The following UBE2G1 variants were observed in gnomAD, a reference collection of about 807,000 sequenced individuals.
The protein encoded by UBE2G1 is ubiquitin conjugating enzyme E2 G1.
UBE2G1 carries 5 observed loss-of-function variants against 22.7 expected under a neutral mutation model. The ratio of observed to expected loss-of-function variants is 0.22; its 90% CI spans 0.12 to 0.46. UBE2G1 has a LOEUF of 0.46. Among genes scored for constraint, UBE2G1 ranks in the 20% least tolerant of loss-of-function variants. The probability of loss-of-function intolerance (pLI) is 0.99; values close to 1 mark genes in which losing one functional copy is unlikely to be tolerated. For missense variants in UBE2G1, 88 were observed against 203.9 expected, an observed-to-expected ratio of 0.43 and a Z score of 3.46; for synonymous variants, 74 against 67.5, an observed-to-expected ratio of 1.10 and a Z score of -0.47.
chr17:4,357,049 C>CTTTATA (rs1969913549), intron 1 of UBE2G1, among the ~76,000 whole-genome samples: 1 of 152,114 alleles, frequency 6.6e-6, no homozygotes, highest in African/African-American at 2.4e-5. Flanking sequence ...AATCCATATA[C>CTTTATA]TTTATAGTCC....
In UBE2G1 at chr17:4,320,809, T is replaced by TG. The variant is rs574564827; in HGVS notation, c.47-13687dup. 1.1e-4 allele frequency among the ~76,000 whole-genome samples: 17 copies of TG among 152,264 alleles called. No individual in the cohort carries two copies. In the South Asian group the frequency reaches 3.3e-3, roughly 30 times the overall value. On this transcript the variant is annotated intron_variant, in intron 1 of 5. Transcript: ENST00000396981. ...AATGGAATCATCCTTGTATAACTGA[T>TG]GGCCACTTAGCATAGTCTGAACACT... is the stretch of plus-strand genomic sequence containing the variant.
intron 1 of UBE2G1, among the ~76,000 whole-genome samples, chr17:4,363,710 T>TG (rs1347972875): frequency 3.9e-5 from 6 of 151,968 alleles, no homozygotes; most frequent in African/African-American, 7.2e-5. Flanking sequence ...CCCAGCACTT[T>TG]GGGAGGCTGA....
At chr17:4,322,964 G>C (rs1475371167) in intron 1 of UBE2G1, among the ~76,000 whole-genome samples, 1 of 152,178 alleles carries the variant, frequency 6.6e-6, no homozygotes, top group Non-Finnish European at 1.5e-5. Context: ...CAGCTCAGTT[G>C]CAAAGCAAGC....
At chr17:4,323,906 ATATT>A (rs1969472996) in intron 1 of UBE2G1, among the ~76,000 whole-genome samples, 1 of 152,182 alleles carries the variant, frequency 6.6e-6, no homozygotes, top group South Asian at 2.1e-4. Flanking sequence ...TTACATAGAT[ATATT>A]TAGAGCATTT....
chr17:4,301,215 T>C (rs1045053088), intron 2 of UBE2G1, among the ~76,000 whole-genome samples: 3 of 152,186 alleles, frequency 2.0e-5, no homozygotes, highest in African/African-American at 7.2e-5. Flanking sequence ...CCGCCACAGT[T>C]CACTATTATT....
At chr17:4,278,866 C>A (rs1968850933) in intron 5 of UBE2G1, among the ~76,000 whole-genome samples, 1 of 152,158 alleles carries the variant, frequency 6.6e-6, no homozygotes. Context: ...AACATGAAAA[C>A]AGGATAAATG....
chr17:4,345,827 A>C (rs1969762937), intron 1 of UBE2G1: 1 of 152,198 alleles, frequency 6.6e-6, no homozygotes, highest in African/African-American at 2.4e-5. Flanking sequence ...TCCCCAAGTA[A>C]AAATAGAACA....
At chr17:4,323,583 A>C (rs1462832777) in intron 1 of UBE2G1, among the ~76,000 whole-genome samples, 1 of 152,220 alleles carries the variant, frequency 6.6e-6, no homozygotes, top group Non-Finnish European at 1.5e-5. Flanking sequence ...CTGAGAGAAC[A>C]GCTTTGTCGC....
At chr17:4,292,768 T>C (rs1402947611) in intron 3 of UBE2G1, among the ~76,000 whole-genome samples, 3 of 152,232 alleles carry the variant, frequency 2.0e-5, no homozygotes, top group African/African-American at 7.2e-5. Flanking sequence ...ACATTAACTA[T>C]ATTTTCCGTA....
intron 3 of UBE2G1, among the ~76,000 whole-genome samples, chr17:4,296,002 C>T (rs192725467): frequency 9.3e-5 from 14 of 149,838 alleles, no homozygotes; most frequent in African/African-American, 3.2e-4. Context: ...AATCTTACAC[C>T]TATGAATACA....
At chr17:4,337,525 T>C (rs1969663264) in intron 1 of UBE2G1, among the ~76,000 whole-genome samples, 1 of 151,226 alleles carries the variant, frequency 6.6e-6, no homozygotes, top group Non-Finnish European at 1.5e-5. Flanking sequence ...CGGTGGCGCA[T>C]GCCTGTAATC....
At chr17:4,316,099 G>A (rs1001484472) in intron 1 of UBE2G1, among the ~76,000 whole-genome samples, 15 of 152,112 alleles carry the variant, frequency 9.9e-5, no homozygotes, top group Non-Finnish European at 1.5e-4. Context: ...CACCGCCTAA[G>A]TGTACTTTGC....
At chr17:4,280,358 TTTTTTTG>T (rs1968873290) in intron 5 of UBE2G1, among the ~76,000 whole-genome samples, 2 of 135,782 alleles carry the variant, frequency 1.5e-5, no homozygotes, top group African/African-American at 5.7e-5. Flanking sequence ...TTTTTTTTTT[TTTTTTTG>T]AGATGGAGTC....
intron 4 of UBE2G1, 102 bp from the exon 5 acceptor site, chr17:4,283,023 C>T (rs1968913173): frequency 3.0e-6 from 3 of 988,944 alleles, no homozygotes; most frequent in Non-Finnish European, 4.5e-6. Context: ...GTGATTTGTA[C>T]ACTTCAGAAA....
At chr17:4,288,383 C>A (rs148646335) in intron 4 of UBE2G1, among the ~76,000 whole-genome samples, 1 of 151,992 alleles carries the variant, frequency 6.6e-6, no homozygotes, top group Non-Finnish European at 1.5e-5. Context: ...CCCGCCACCA[C>A]GCCCGGCTAA....
In UBE2G1 at chr17:4,321,912, A is replaced by C. The variant is rs543615143; in HGVS notation, c.47-14789T>G. Among the ~76,000 whole-genome samples, 47 of 152,354 alleles carry C rather than the reference A, an allele frequency of 3.1e-4. No individual in the cohort carries two copies. The South Asian group carries it at 8.9e-3, about 29-fold the overall frequency. ...TATAAAGTTTATTATAATTAAAGCAAAAGTTTGAAATTTGAAAATTAGCAA... is the reference window on the plus strand; with the variant it reads ...TATAAAGTTTATTATAATTAAAGCACAAGTTTGAAATTTGAAAATTAGCAA... On this transcript the variant is annotated intron_variant, in intron 1 of 5. Transcript: ENST00000396981.
At chr17:4,328,871 G>A (rs978379483) in intron 1 of UBE2G1, among the ~76,000 whole-genome samples, 6 of 152,164 alleles carry the variant, frequency 3.9e-5, no homozygotes, top group Admixed American at 1.3e-4. Flanking sequence ...CAGATCACGA[G>A]GTCAGGAGAT....
intron 4 of UBE2G1, among the ~76,000 whole-genome samples, chr17:4,285,836 A>G (rs1220638679): frequency 1.3e-5 from 2 of 152,162 alleles, no homozygotes; most frequent in Non-Finnish European, 2.9e-5. Context: ...CTGTAGTTCC[A>G]ACTATTCAGG....
intron 1 of UBE2G1, among the ~76,000 whole-genome samples, chr17:4,361,881 G>C (rs1969972333): frequency 6.8e-6 from 1 of 147,842 alleles, no homozygotes; most frequent in Non-Finnish European, 1.5e-5. Context: ...GGCGGAGGTT[G>C]CACTTAGCGG....
Sources: allele counts gnomAD v4.1 joint callset (sites outside exome capture counted in the v4.1 genomes callset), GRCh38; gene constraint gnomAD v4.1.1; transcripts MANE v1.5; gene names NCBI Gene and HGNC (gene_info 2026-07-23, HGNC 2026-07-21).